The following RANBP17 variants were observed in gnomAD, a reference collection of about 807,000 sequenced individuals.
RANBP17 encodes ran-binding protein 17.
A neutral mutation model predicts 141.2 loss-of-function variants in RANBP17; 158 were observed. The ratio of observed to expected loss-of-function variants is 1.12; its 90% CI spans 0.98 to 1.28. The LOEUF (loss-of-function observed/expected upper bound fraction) is 1.28, where lower values mean the gene tolerates loss of function less well. RANBP17 is among the 50% of genes most tolerant of loss of function. The pLI is 0.00. For synonymous variants in RANBP17, 430 were observed against 450.0 expected, an observed-to-expected ratio of 0.96 and a Z score of 0.56; for missense variants, 1,438 against 1,290.7, an observed-to-expected ratio of 1.11 and a Z score of -1.75.
At chr5:171,053,952 TATC>T (rs1356507752) in intron 14 of RANBP17, among the ~76,000 whole-genome samples, 1 of 145,450 alleles carries the variant, frequency 6.9e-6, no homozygotes, top group Non-Finnish European at 1.5e-5. Flanking sequence ...CATATATGCT[TATC>T]ATTGTTATAT....
At chr5:170,887,007 C>G (rs1403839554) in intron 3 of RANBP17, among the ~76,000 whole-genome samples, 1 of 151,960 alleles carries the variant, frequency 6.6e-6, no homozygotes, top group Non-Finnish European at 1.5e-5. Context: ...AAAAATTTTT[C>G]CAATATATTT....
At chr5:170,975,849 AAC>A (rs1408135853) in intron 14 of RANBP17, among the ~76,000 whole-genome samples, 1 of 25,574 alleles carries the variant, frequency 3.9e-5, no homozygotes, top group African/African-American at 6.9e-5. Context: ...AAAACAAAAA[AAC>A]AAACAAACAG....
At chr5:171,120,785 T>C (rs1002929452) in intron 14 of RANBP17, among the ~76,000 whole-genome samples, 2 of 152,236 alleles carry the variant, frequency 1.3e-5, no homozygotes, top group Non-Finnish European at 2.9e-5. Flanking sequence ...TACTTTTTCA[T>C]GTTTGGTGTG....
intron 5 of RANBP17, chr5:170,904,051 C>G (rs1311613009): frequency 6.4e-6 from 3 of 466,522 alleles, no homozygotes; most frequent in Non-Finnish European, 1.3e-5. Context: ...CAGGCAGACC[C>G]TAAACATAGT....
chr5:171,065,846 T>C (rs568624376), intron 14 of RANBP17, among the ~76,000 whole-genome samples: 1 of 152,138 alleles, frequency 6.6e-6, no homozygotes, highest in South Asian at 2.1e-4. Context: ...ATTAATTTCC[T>C]AGCTATTCTT....
intron 22 of RANBP17, among the ~76,000 whole-genome samples, chr5:171,227,619 AAAC>A (rs1383188737): frequency 2.6e-5 from 4 of 152,230 alleles, no homozygotes; most frequent in Admixed American, 6.5e-5. Flanking sequence ...TGGCTACACT[AAAC>A]AACATTTTTC....
intron 14 of RANBP17, among the ~76,000 whole-genome samples, chr5:171,073,849 TTTA>T (rs1202100191): frequency 2.0e-5 from 3 of 151,828 alleles, no homozygotes; most frequent in Admixed American, 6.6e-5. Flanking sequence ...TTTTTTTTTT[TTTA>T]AAGCACGGAA....
At chr5:170,996,421 GT>G (rs1357719027) in intron 14 of RANBP17, among the ~76,000 whole-genome samples, 14 of 152,256 alleles carry the variant, frequency 9.2e-5, no homozygotes, top group Admixed American at 3.3e-4. Context: ...CATGAGATTG[GT>G]TGTCTTGATC....
At chr5:171,000,788 A>C (rs1779149764) in intron 14 of RANBP17, among the ~76,000 whole-genome samples, 1 of 152,132 alleles carries the variant, frequency 6.6e-6, no homozygotes, top group African/African-American at 2.4e-5. Flanking sequence ...GTACATTCTC[A>C]AGGGTGGGGA....
intron 14 of RANBP17, among the ~76,000 whole-genome samples, chr5:171,039,631 AGACT>A (rs1480721170): frequency 6.6e-6 from 1 of 152,094 alleles, no homozygotes; most frequent in Non-Finnish European, 1.5e-5. Context: ...ACTGCTAGCT[AGACT>A]AAGAAAGAAA....
At chr5:170,967,705 C>T (rs1036880654) in intron 13 of RANBP17, among the ~76,000 whole-genome samples, 1 of 151,136 alleles carries the variant, frequency 6.6e-6, no homozygotes, top group Admixed American at 6.6e-5. Context: ...TAAAGATCAC[C>T]TTGTAGTTTA....
At chr5:171,091,630 T>C (rs1786286733) in intron 14 of RANBP17, among the ~76,000 whole-genome samples, 1 of 152,182 alleles carries the variant, frequency 6.6e-6, no homozygotes, top group African/African-American at 2.4e-5. Flanking sequence ...TCATCTTGAA[T>C]TCCCATGTGT....
At chr5:171,084,029 T>C (rs1785443723) in intron 14 of RANBP17, among the ~76,000 whole-genome samples, 1 of 150,820 alleles carries the variant, frequency 6.6e-6, no homozygotes, top group Non-Finnish European at 1.5e-5. Flanking sequence ...GTTACATATG[T>C]ATACATGTGC....
At chr5:171,079,842 G>A (rs934175280) in intron 14 of RANBP17, among the ~76,000 whole-genome samples, 1 of 152,100 alleles carries the variant, frequency 6.6e-6, no homozygotes, top group Non-Finnish European at 1.5e-5. Context: ...TGATTGCAGT[G>A]GTGTGGAACA....
intron 14 of RANBP17, among the ~76,000 whole-genome samples, chr5:171,138,095 A>G (rs1291362155): frequency 6.6e-6 from 1 of 152,088 alleles, no homozygotes; most frequent in Admixed American, 6.6e-5. Flanking sequence ...AATGAACTAG[A>G]TTGCCCTTGA....
intron 13 of RANBP17, among the ~76,000 whole-genome samples, chr5:170,954,905 G>C (rs1775495145): frequency 6.6e-6 from 1 of 152,150 alleles, no homozygotes; most frequent in Admixed American, 6.6e-5. Flanking sequence ...AGCCTGTTAG[G>C]AACTGGGCTG....
intron 25 of RANBP17, among the ~76,000 whole-genome samples, chr5:171,285,269 C>G (rs1768100804): frequency 6.6e-6 from 1 of 152,254 alleles, no homozygotes; most frequent in African/African-American, 2.4e-5. Context: ...GTGTTAGTCT[C>G]TCTTAAGCTT....
chr5:171,268,630 G>T (rs1766894730), intron 25 of RANBP17, among the ~76,000 whole-genome samples: 1 of 151,806 alleles, frequency 6.6e-6, no homozygotes, highest in Admixed American at 6.6e-5. Flanking sequence ...GAAGGTTGAG[G>T]ATCACTGACT....
intron 3 of RANBP17, among the ~76,000 whole-genome samples, chr5:170,888,776 A>T (rs1051802600): frequency 6.6e-6 from 1 of 152,080 alleles, no homozygotes; most frequent in East Asian, 1.9e-4. Context: ...TTTTTTCCCA[A>T]TCTTAGTGAG....
Sources: allele counts gnomAD v4.1 joint callset (sites outside exome capture counted in the v4.1 genomes callset), GRCh38; gene constraint gnomAD v4.1.1; transcripts MANE v1.5; gene names NCBI Gene and HGNC (gene_info 2026-07-23, HGNC 2026-07-21).